Variants in HDAC8 observed in about 807,000 individuals in gnomAD.
HDAC8 encodes histone deacetylase 8.
Under a neutral mutation model 32.2 loss-of-function variants are expected in HDAC8, and 1 was observed. The observed-to-expected ratio is 0.03, with a 90% CI of 0.01 to 0.15. HDAC8 has a LOEUF of 0.15. Ranked by LOEUF, HDAC8 falls within the 10% of genes least tolerant of loss-of-function variation. HDAC8 has a pLI of 1.00. For synonymous variants in HDAC8, 108 were observed against 113.9 expected (o/e 0.95, Z 0.33); for missense variants, 117 against 300.0 (o/e 0.39, Z 4.51).
intron 4 of HDAC8, among the ~76,000 whole-genome samples, chrX:72,557,642 A>G (rs782321038): frequency 1.5e-4 from 17 of 111,175 alleles, no homozygotes; most frequent in Admixed American, 2.9e-4. Flanking sequence ...AAAGAGCACA[A>G]ATAGACAATC....
At chrX:72,491,171 T>A (rs1556009456) in intron 5 of HDAC8, among the ~76,000 whole-genome samples, 165 bp from the exon 6 acceptor site, 1 of 111,836 alleles carries the variant, frequency 8.9e-6, no homozygotes, top group African/African-American at 3.3e-5. Context: ...TGGTCTCTAA[T>A]CTCGTAATTA....
chrX:72,520,629 C>T (rs1211967340), intron 4 of HDAC8, among the ~76,000 whole-genome samples: 2 of 112,202 alleles, frequency 1.8e-5, no homozygotes, highest in African/African-American at 6.5e-5. Flanking sequence ...ATTATCATGC[C>T]TAAGAAAATC....
chrX:72,468,111 A>G, intron 7 of HDAC8: 1 of 935,463 alleles, frequency 1.1e-6, no homozygotes, highest in Non-Finnish European at 1.4e-6. Context: ...GGCAGCTTAC[A>G]GAGGGCTGGA....
At chrX:72,455,404 G>A (rs781953691) in intron 9 of HDAC8, among the ~76,000 whole-genome samples, 2 of 111,771 alleles carry the variant, frequency 1.8e-5, no homozygotes, top group South Asian at 3.7e-4. Flanking sequence ...GGAGGTATAC[G>A]TAAGGTGCTT....
chrX:72,572,482 G>T, intron 1 of HDAC8, 169 bp downstream of exon 1: 1 of 437,610 alleles, frequency 2.3e-6, no homozygotes, highest in Non-Finnish European at 3.9e-6. Context: ...TCTCAGAAAC[G>T]ATATGAGAAC....
At chrX:72,553,084 G>A (rs933595689) in intron 4 of HDAC8, among the ~76,000 whole-genome samples, 7 of 110,417 alleles carry the variant, frequency 6.3e-5, no homozygotes, top group African/African-American at 9.9e-5. Context: ...TCCCTCTGTC[G>A]CCCAGGCTGG....
At chrX:72,518,773 A>C (rs782026718) in intron 4 of HDAC8, among the ~76,000 whole-genome samples, 1 of 111,768 alleles carries the variant, frequency 8.9e-6, no homozygotes, top group African/African-American at 3.3e-5. Context: ...AGCCCTTGAC[A>C]ACCATTAATT....
At chrX:72,509,217 T>C (rs1556020637) in intron 4 of HDAC8, among the ~76,000 whole-genome samples, 1 of 109,889 alleles carries the variant, frequency 9.1e-6, no homozygotes, top group Non-Finnish European at 1.9e-5. Flanking sequence ...CAAATGATTC[T>C]CCTGCCTCAG....
At chrX:72,485,972 A>G (rs2048660131) in intron 7 of HDAC8, among the ~76,000 whole-genome samples, 1 of 110,749 alleles carries the variant, frequency 9.0e-6, no homozygotes, top group Non-Finnish European at 1.9e-5. Flanking sequence ...ATACAAAAAA[A>G]TTAGTCGGGT....
intron 9 of HDAC8, among the ~76,000 whole-genome samples, chrX:72,458,477 A>G (rs1392354201): frequency 3.6e-5 from 4 of 112,434 alleles, no homozygotes; most frequent in African/African-American, 1.3e-4. Flanking sequence ...TGTTTCCTAT[A>G]GCTGGGCTAC....
At chrX:72,545,588 C>G (rs1301092478) in intron 4 of HDAC8, among the ~76,000 whole-genome samples, 1 of 111,835 alleles carries the variant, frequency 8.9e-6, no homozygotes, top group Non-Finnish European at 1.9e-5. Context: ...TTTAGGAACA[C>G]CCCTCACCCA....
At chrX:72,334,063 TTGA>T (rs1174849034) in intron 10 of HDAC8, among the ~76,000 whole-genome samples, 1 of 112,342 alleles carries the variant, frequency 8.9e-6, no homozygotes, top group Non-Finnish European at 1.9e-5. Flanking sequence ...CACCAAGAAG[TTGA>T]TGATGAGCAA....
intron 4 of HDAC8, among the ~76,000 whole-genome samples, chrX:72,499,191 T>A (rs1205054682): frequency 8.9e-6 from 1 of 111,842 alleles, no homozygotes; most frequent in Non-Finnish European, 1.9e-5. Flanking sequence ...CTTTTCTTTA[T>A]AAATTACCCA....
intron 4 of HDAC8, among the ~76,000 whole-genome samples, chrX:72,550,331 T>TC (rs1556066716): frequency 9.1e-6 from 1 of 109,350 alleles, no homozygotes; most frequent in African/African-American, 3.3e-5. Flanking sequence ...AACTTGGAAG[T>TC]CCCCCCCACC....
intron 9 of HDAC8, among the ~76,000 whole-genome samples, chrX:72,453,611 G>A (rs1257730882): frequency 8.9e-6 from 1 of 111,743 alleles, no homozygotes; most frequent in Non-Finnish European, 1.9e-5. Context: ...AGTCTTAGAA[G>A]TAGAAGAAAG....
At chrX:72,457,489 T>C (rs2047751106) in intron 9 of HDAC8, among the ~76,000 whole-genome samples, 1 of 112,688 alleles carries the variant, frequency 8.9e-6, no homozygotes, top group African/African-American at 3.2e-5. Flanking sequence ...CTAGAGCTAA[T>C]AAGTAAATTT....
intron 9 of HDAC8, among the ~76,000 whole-genome samples, chrX:72,403,939 A>G (rs1234823791): frequency 2.7e-5 from 3 of 111,624 alleles, no homozygotes; most frequent in African/African-American, 9.8e-5. Flanking sequence ...CAATATATCC[A>G]GGTAACAAAC....
chrX:72,569,679 G>C (rs1273832805), intron 2 of HDAC8, among the ~76,000 whole-genome samples: 2 of 111,528 alleles, frequency 1.8e-5, no homozygotes, highest in African/African-American at 6.5e-5. Context: ...GCGAGTGAGG[G>C]AATAAAGGGA....
At chrX:72,494,955 A>C (rs1293390294) in intron 5 of HDAC8, among the ~76,000 whole-genome samples, 1 of 111,568 alleles carries the variant, frequency 9.0e-6, no homozygotes, top group East Asian at 2.8e-4. Context: ...GAGGAGAGAG[A>C]AGAGGAAATT....
Sources: gnomAD v4.1 joint callset for allele counts (sites outside exome capture counted in the v4.1 genomes callset) on GRCh38, gnomAD v4.1.1 for gene constraint, MANE v1.5 for transcripts, NCBI Gene and HGNC (gene_info 2026-07-23, HGNC 2026-07-21) for gene names.